PPP2R2C: variants seen among roughly 807,000 people sequenced by gnomAD.
PPP2R2C encodes the protein protein phosphatase 2, regulatory subunit B, gamma.
Under a neutral mutation model 45.3 loss-of-function variants are expected in PPP2R2C, and 10 were observed. That is an observed-to-expected ratio of 0.22 (90% CI 0.14 to 0.37). The LOEUF is 0.37. Ranked by LOEUF, PPP2R2C falls within the 10% of genes least tolerant of loss-of-function variation. The probability of loss-of-function intolerance (pLI) is 1.00; values close to 1 mark genes in which losing one functional copy is unlikely to be tolerated. For missense variants in PPP2R2C, 308 were observed against 619.7 expected (o/e 0.50, Z 5.34); for synonymous variants, 257 against 245.4 (o/e 1.05, Z -0.44).
At chr4:6,407,280 T>A (rs7437390) in intron 1 of PPP2R2C, among the ~76,000 whole-genome samples, 121 of 152,334 alleles carry the variant, frequency 7.9e-4, no homozygotes, top group African/African-American at 2.9e-3. Context: ...GTGAGGCAAG[T>A]GGGGGAAGTC....
At chr4:6,382,627 T>G in intron 1 of PPP2R2C, 1 of 69,438 alleles carries the variant, frequency 1.4e-5, no homozygotes, top group Non-Finnish European at 3.0e-5. Flanking sequence ...TCTCGTTCTC[T>G]CTCTCTCTCT....
rs889957355 is a variant in PPP2R2C, at chr4:6,378,981, G to T, written c.169-409C>A. ...GGGAAGTGACTTCCCAGAGCCGTGA[G>T]GTCACTCTCCGGCGAGCACCCCTCT... is the stretch of plus-strand genomic sequence containing the variant. On this transcript the variant is annotated intron_variant, in intron 2 of 8. Transcript: ENST00000382599. The surrounding 1 kb of genome is among the most constrained non-coding windows in gnomAD (Gnocchi z 5.2). Among the ~76,000 whole-genome samples the T allele has an allele frequency of 2.6e-5, 4 of 151,772 alleles. No homozygotes were observed. The highest frequency in any genetic ancestry group is 2.6e-4 in the Admixed American group (4 of 15,244).
chr4:6,393,962 C>A (rs553493841), intron 1 of PPP2R2C, among the ~76,000 whole-genome samples: 1 of 152,218 alleles, frequency 6.6e-6, no homozygotes, highest in Non-Finnish European at 1.5e-5. Flanking sequence ...AGCCTGAGGC[C>A]AGCAGCTGGC....
At position 6,528,283 on chromosome 4, in the gene PPP2R2C, C is replaced by T. The variant is rs118064455; in HGVS notation, c.49+6988G>A. 8.4e-4 allele frequency among the ~76,000 whole-genome samples: 128 copies of T among 152,268 alleles called. 1 individual carries two copies. In the East Asian group the frequency reaches 0.023, roughly 27 times the overall value. On this transcript the variant is annotated intron_variant, in intron 2 of 9. Coordinates refer to the PPP2R2C transcript ENST00000506140. ...GGAGCTGGGGTGAAGGGTGTTGGCTCGGGCCGGGAGGGCCCTTCCTGCCTG... is the reference window on the plus strand; with the variant it reads ...GGAGCTGGGGTGAAGGGTGTTGGCTTGGGCCGGGAGGGCCCTTCCTGCCTG...
At chr4:6,383,942 TGAGA>T (rs1433157426) in intron 1 of PPP2R2C, 7 of 985,556 alleles carry the variant, frequency 7.1e-6, no homozygotes, top group African/African-American at 1.8e-5. Flanking sequence ...CAGAAAAGAT[TGAGA>T]GAGGGTGGTT....
intron 2 of PPP2R2C, among the ~76,000 whole-genome samples, chr4:6,514,855 G>A (rs933320693): frequency 2.6e-5 from 4 of 152,196 alleles, no homozygotes; most frequent in East Asian, 3.8e-4. Flanking sequence ...TCTGCTCCAC[G>A]CCTAGCTCAG....
At chr4:6,399,972 G>C (rs1441950847) in intron 1 of PPP2R2C, among the ~76,000 whole-genome samples, 1 of 152,230 alleles carries the variant, frequency 6.6e-6, no homozygotes, top group East Asian at 1.9e-4. Context: ...CTGTCTCCAT[G>C]TTGGGTTCAG....
chr4:6,552,365 G>A (rs1054814440), intron 1 of PPP2R2C, among the ~76,000 whole-genome samples: 2 of 152,166 alleles, frequency 1.3e-5, no homozygotes, highest in African/African-American at 4.8e-5. Context: ...CCTGCTGGAG[G>A]CCCCAGGGGA....
Position 6,332,555 on chromosome 4 carries a change from C to T in PPP2R2C, c.960+1007G>A, listed in dbSNP as rs1732492261. ...CACCAGTTCCCAGCGAGGCCTGCGCCACCCAGGACGCTTTCCTACTAGGTC... is the reference window on the plus strand; with the variant it reads ...CACCAGTTCCCAGCGAGGCCTGCGCTACCCAGGACGCTTTCCTACTAGGTC... On this transcript the variant is annotated intron_variant, in intron 7 of 8. Transcript: ENST00000382599. This position sits in a 1 kb window ranked among gnomAD's most constrained non-coding sequence, Gnocchi z 4.9. Among the ~76,000 whole-genome samples, 1 of 152,218 alleles carries T rather than the reference C, an allele frequency of 6.6e-6. No individual in the cohort carries two copies. The highest frequency in any genetic ancestry group is 1.5e-5 in the Non-Finnish European group (1 of 68,038).
intron 2 of PPP2R2C, among the ~76,000 whole-genome samples, chr4:6,490,367 T>C (rs1722661531): frequency 6.6e-6 from 1 of 152,240 alleles, no homozygotes; most frequent in South Asian, 2.1e-4. Flanking sequence ...GACACTTCCT[T>C]CATGGAGCCT....
In PPP2R2C at chr4:6,368,066, G is replaced by A. The variant is rs543411440; in HGVS notation, c.625+4457C>T. On this transcript the variant is annotated intron_variant, in intron 5 of 8. Transcript: ENST00000382599. The surrounding 1 kb of genome is among the most constrained non-coding windows in gnomAD (Gnocchi z 4.2). ...GATCTGACACTGAGTTACACGGCAG[G>A]GTGTGCGGCCAGGGATGTTCCCAGG... is the stretch of plus-strand genomic sequence containing the variant. Among the ~76,000 whole-genome samples, 5 of 152,310 alleles carry A rather than the reference G, an allele frequency of 3.3e-5. No homozygotes were observed. The South Asian group carries it at 1.0e-3, about 32-fold the overall frequency.
At chr4:6,459,999 C>A (rs1278592379) in intron 1 of PPP2R2C, among the ~76,000 whole-genome samples, 3 of 152,054 alleles carry the variant, frequency 2.0e-5, no homozygotes, top group Non-Finnish European at 4.4e-5. Context: ...AATATGCACG[C>A]AAAAAGGTGC....
chr4:6,441,431 T>C (rs563970331), intron 1 of PPP2R2C, among the ~76,000 whole-genome samples: 2 of 152,132 alleles, frequency 1.3e-5, no homozygotes, highest in South Asian at 2.1e-4. Context: ...GGGGCCTCCA[T>C]CACCTGCAGC....
intron 1 of PPP2R2C, among the ~76,000 whole-genome samples, chr4:6,464,912 G>C (rs866068389): frequency 2.7e-5 from 4 of 147,842 alleles, no homozygotes; most frequent in Non-Finnish European, 6.0e-5. Flanking sequence ...AGGAAGGAAG[G>C]GAGGAAGGGA....
Position 6,364,759 on chromosome 4 carries a change from A to G in PPP2R2C, c.625+7764T>C, listed in dbSNP as rs776181162. On this transcript the variant is annotated intron_variant, in intron 5 of 8. Transcript: ENST00000382599. The surrounding 1 kb of genome is among the most constrained non-coding windows in gnomAD (Gnocchi z 5.3). The stretch of plus-strand genomic sequence containing the variant: ...TTGGGGCCAAGGTCTGAGCCCTGGC[A>G]GTCTGGCTCCTAGACCTAAGAAGGG... Among the ~76,000 whole-genome samples the G allele has an allele frequency of 6.6e-6, 1 of 152,158 alleles. No homozygotes were observed. The highest frequency in any genetic ancestry group is 1.5e-5 in the Non-Finnish European group (1 of 68,016).
chr4:6,489,562 T>C (rs1455226381), intron 2 of PPP2R2C, among the ~76,000 whole-genome samples: 1 of 152,234 alleles, frequency 6.6e-6, no homozygotes, highest in African/African-American at 2.4e-5. Context: ...CAACAAACTT[T>C]TGACAATTTT....
chr4:6,480,270 G>A (rs1022115966), intron 2 of PPP2R2C, among the ~76,000 whole-genome samples: 4 of 152,094 alleles, frequency 2.6e-5, no homozygotes, highest in African/African-American at 9.7e-5. Context: ...TAAGCATTAT[G>A]TTTTCAGCTC....
At chr4:6,554,020 A>G (rs1039586174) in intron 1 of PPP2R2C, among the ~76,000 whole-genome samples, 1 of 152,124 alleles carries the variant, frequency 6.6e-6, no homozygotes, top group Admixed American at 6.5e-5. Flanking sequence ...CGCCTAATGA[A>G]CTAGAAGCAA....
At chr4:6,346,893 G>A (rs1414351350) in intron 6 of PPP2R2C, among the ~76,000 whole-genome samples, 3 of 152,220 alleles carry the variant, frequency 2.0e-5, no homozygotes, top group Admixed American at 6.5e-5. Context: ...TCCAGACACT[G>A]TGGTAGGTGC....
Sources: allele counts gnomAD v4.1 joint callset (sites outside exome capture counted in the v4.1 genomes callset), GRCh38; gene constraint gnomAD v4.1.1; non-coding constraint Gnocchi (gnomAD v3.1); transcripts MANE v1.5; gene names NCBI Gene and HGNC (gene_info 2026-07-23, HGNC 2026-07-21).